The following PCDH9 variants were observed in gnomAD, a reference collection of about 807,000 sequenced individuals.
PCDH9 encodes protocadherin-9.
PCDH9 carries 24 observed loss-of-function variants against 70.6 expected under a neutral mutation model. The observed-to-expected ratio is 0.34, with a 90% confidence interval of 0.25 to 0.48. The LOEUF (loss-of-function observed/expected upper bound fraction) is 0.48, where lower values mean the gene tolerates loss of function less well. Ranked by LOEUF, PCDH9 falls within the 20% of genes least tolerant of loss-of-function variation. The pLI is 0.99. For synonymous variants in PCDH9, 562 were observed against 558.5 expected, an observed-to-expected ratio of 1.01 and a Z score of -0.09; for missense variants, 1,281 against 1,503.6, an observed-to-expected ratio of 0.85 and a Z score of 2.45.
At chr13:67,107,285 C>T (rs567111052) in intron 2 of PCDH9, among the ~76,000 whole-genome samples, 6 of 151,160 alleles carry the variant, frequency 4.0e-5, no homozygotes, top group South Asian at 4.2e-4. Context: ...GCATGGGGGC[C>T]GGGCTGTCAC....
At chr13:66,907,760 A>G (rs2082388223) in intron 2 of PCDH9, among the ~76,000 whole-genome samples, 1 of 152,174 alleles carries the variant, frequency 6.6e-6, no homozygotes, top group African/African-American at 2.4e-5. Flanking sequence ...TTTCAACTCA[A>G]TGGTAATGCA....
Position 67,226,519 on chromosome 13 carries a change from T to C in PCDH9, c.1922A>G (p.Tyr641Cys), listed in dbSNP as rs776580060. The C allele has an allele frequency of 1.3e-5, 21 of 1,614,080 alleles. No individual in the cohort carries two copies. The South Asian group carries it at 1.6e-4, about 13-fold the overall frequency. The change falls in exon 2 of 5, where the codon TAC becomes TGC. Residue 641 changes from tyrosine (Y) to cysteine (C), a missense_variant. By Grantham distance (194) the Tyr-to-Cys change is radical. This residue lies in a region of PCDH9 where 798 missense variants were observed against 1,003.1 expected (regional missense o/e 0.80). Transcript: ENST00000377865. This position sits in a 1 kb window ranked among gnomAD's most constrained non-coding sequence, Gnocchi z 5.0. ...VSFDREQQSS[Y>C]TFDVKATDGG... ...ATCAGTGGCTTTGACATCAAAAGTG[T>C]AGGAACTCTGCTGCTCTCTATCAAA...
intron 3 of PCDH9, among the ~76,000 whole-genome samples, chr13:66,818,133 G>A (rs952982502): frequency 1.3e-5 from 2 of 151,990 alleles, no homozygotes; most frequent in Non-Finnish European, 2.9e-5. Flanking sequence ...ATTTTTTATC[G>A]AGGTTTGAAT....
intron 3 of PCDH9, among the ~76,000 whole-genome samples, chr13:66,872,150 A>G (rs571535828): frequency 2.2e-4 from 33 of 152,308 alleles, no homozygotes; most frequent in African/African-American, 7.7e-4. Flanking sequence ...AAATCTGAGG[A>G]CAGTGTCAAA....
intron 4 of PCDH9, among the ~76,000 whole-genome samples, chr13:66,564,284 C>T (rs1298944261): frequency 6.6e-6 from 1 of 152,062 alleles, no homozygotes; most frequent in Non-Finnish European, 1.5e-5. Context: ...CCCACCTTAG[C>T]CTTTCAAGTA....
chr13:66,489,932 G>C (rs914634074), intron 4 of PCDH9, among the ~76,000 whole-genome samples: 1 of 152,120 alleles, frequency 6.6e-6, no homozygotes, highest in Non-Finnish European at 1.5e-5. Context: ...GTGATTTTCT[G>C]ATTCCTCCTG....
chr13:66,463,923 A>G (rs1282700330), intron 4 of PCDH9, among the ~76,000 whole-genome samples: 1 of 151,796 alleles, frequency 6.6e-6, no homozygotes, highest in Non-Finnish European at 1.5e-5. Context: ...ATATGATTAG[A>G]TGTCTAGGGG....
intron 2 of PCDH9, among the ~76,000 whole-genome samples, chr13:67,137,025 T>C (rs1367749021): frequency 6.6e-6 from 1 of 151,988 alleles, no homozygotes; most frequent in African/African-American, 2.4e-5. Context: ...ATTATGTAAA[T>C]GATGAGTTAA....
At chr13:66,539,129 A>G (rs1029493350) in intron 4 of PCDH9, among the ~76,000 whole-genome samples, 1 of 152,128 alleles carries the variant, frequency 6.6e-6, no homozygotes, top group African/African-American at 2.4e-5. Flanking sequence ...TGCTCATAGA[A>G]GATTTTAGAA....
chr13:66,553,621 G>C (rs866981592), intron 4 of PCDH9, among the ~76,000 whole-genome samples: 16 of 152,116 alleles, frequency 1.1e-4, no homozygotes, highest in South Asian at 2.1e-4. Context: ...AATGTGATTT[G>C]AGTGAATGCC....
At chr13:66,895,222 A>G (rs555744393) in intron 3 of PCDH9, among the ~76,000 whole-genome samples, 1 of 152,204 alleles carries the variant, frequency 6.6e-6, no homozygotes, top group African/African-American at 2.4e-5. Flanking sequence ...TGATTTGTCA[A>G]TGTGTACTTC....
chr13:66,681,577 A>G (rs1319045379), intron 3 of PCDH9, among the ~76,000 whole-genome samples: 2 of 152,028 alleles, frequency 1.3e-5, no homozygotes, highest in Non-Finnish European at 2.9e-5. Context: ...TTCTCTAGGC[A>G]CTACTGGATC....
At chr13:66,473,703 A>G (rs533921115) in intron 4 of PCDH9, among the ~76,000 whole-genome samples, 164 of 152,324 alleles carry the variant, frequency 1.1e-3, no homozygotes, top group African/African-American at 3.8e-3. Flanking sequence ...ACCACTTAAC[A>G]GTTTTCTAAA....
At chr13:66,535,809 CTCCAA>C (rs1960674718) in intron 4 of PCDH9, among the ~76,000 whole-genome samples, 1 of 151,944 alleles carries the variant, frequency 6.6e-6, no homozygotes, top group African/African-American at 2.4e-5. Context: ...GTAACATGCT[CTCCAA>C]TTTTTCAAGA....
At chr13:66,923,075 A>G (rs1232829477) in intron 2 of PCDH9, among the ~76,000 whole-genome samples, 1 of 151,532 alleles carries the variant, frequency 6.6e-6, no homozygotes, top group African/African-American at 2.4e-5. Context: ...AGCATGATTC[A>G]GATAACTAAA....
At chr13:66,981,196 CG>C (rs2083757704) in intron 2 of PCDH9, among the ~76,000 whole-genome samples, 1 of 151,918 alleles carries the variant, frequency 6.6e-6, no homozygotes, top group East Asian at 1.9e-4. Flanking sequence ...CCCAGCACTT[CG>C]GGAGGCCCAG....
At chr13:66,415,723 A>G (rs1410807355) in intron 4 of PCDH9, among the ~76,000 whole-genome samples, 2 of 152,146 alleles carry the variant, frequency 1.3e-5, no homozygotes, top group African/African-American at 4.8e-5. Context: ...AGAAAACAAA[A>G]TAGAGACATG....
chr13:66,314,695 A>C (rs1955619386), intron 4 of PCDH9, among the ~76,000 whole-genome samples: 1 of 152,228 alleles, frequency 6.6e-6, no homozygotes, highest in Non-Finnish European at 1.5e-5. Flanking sequence ...CCCTGAATTT[A>C]CCGTTCTTGT....
chr13:67,111,133 A>T (rs1378272598), intron 2 of PCDH9, among the ~76,000 whole-genome samples: 1 of 152,200 alleles, frequency 6.6e-6, no homozygotes, highest in Non-Finnish European at 1.5e-5. Context: ...AACCAAAACG[A>T]GTTAAGATTC....
Sources: gnomAD v4.1 joint callset for allele counts (sites outside exome capture counted in the v4.1 genomes callset) on GRCh38, gnomAD v4.1.1 for gene constraint, gnomAD v4.1.1 regional missense constraint, Gnocchi (gnomAD v3.1) non-coding constraint, MANE v1.5 for transcripts, NCBI Gene and HGNC (gene_info 2026-07-23, HGNC 2026-07-21) for gene names.